Variants in ZNF350 observed in about 807,000 individuals in gnomAD.
The protein encoded by ZNF350 is KRAB zinc finger protein ZFQR.
In ZNF350, 5 loss-of-function variants were observed where a neutral mutation model predicts 13.1. The ratio of observed to expected loss-of-function variants is 0.38; its 90% CI spans 0.20 to 0.80. ZNF350 has a LOEUF of 0.80. ZNF350 is among the 30% of genes least tolerant of loss of function. The pLI is 0.43. For missense variants in ZNF350, 534 were observed against 644.2 expected (o/e 0.83, Z 1.85); for synonymous variants, 199 against 224.2 (o/e 0.89, Z 1.00).
At chr19:51,971,631 C>G (rs1015804564) in intron 2 of ZNF350, among the ~76,000 whole-genome samples, 3 of 152,344 alleles carry the variant, frequency 2.0e-5, no homozygotes, top group East Asian at 3.9e-4. Flanking sequence ...CAAGCCTCCT[C>G]TGGACTGAGC....
chr19:51,969,242 G>GTTT, intron 2 of ZNF350, 111 bp from the exon 3 acceptor site: 1 of 1,166,792 alleles, frequency 8.6e-7, no homozygotes, highest in Non-Finnish European at 1.2e-6. Context: ...ATACCAAATA[G>GTTT]TTTTTTTTTT....
At chr19:51,966,272 GGTTT>G in intron 4 of ZNF350, 58 bp from the exon 5 acceptor site, 2 of 1,464,994 alleles carry the variant, frequency 1.4e-6, no homozygotes, top group South Asian at 1.5e-5. Context: ...AGTTTGTTGT[GGTTT>G]TTTTGTTTTT....
rs1031171670 is a variant in ZNF350 at position 51,974,440 on chromosome 19, G to A, written c.-80C>T. On this transcript the variant is annotated 5_prime_UTR_variant, in exon 2 of 5. Transcript: ENST00000243644. ...TCTGGCCTTCTCTTCAGAAGTCTCA[G>A]TTTTCAATCAAGTGTGCCCCAAGAA... 5.2e-6 allele frequency: 8 copies of A among 1,542,862 alleles called. No individual in the cohort carries two copies. In the African/African-American group the frequency reaches 5.5e-5, roughly 11 times the overall value.
intron 1 of ZNF350, chr19:51,981,254 T>TCCCC (rs1236345495): frequency 5.9e-5 from 4 of 67,432 alleles, no homozygotes; most frequent in South Asian, 3.9e-4. Context: ...GACCCCTTCT[T>TCCCC]CCACCCCCCC....
Position 51,977,207 on chromosome 19 carries a change from A to C in ZNF350, c.-171-2676T>G, listed in dbSNP as rs114697184. 7.3e-3 allele frequency among the ~76,000 whole-genome samples: 1,109 copies of C among 152,312 alleles called. 13 individuals are homozygous for C. The highest frequency in any genetic ancestry group is 0.024 in the African/African-American group (1,016 of 41,570). Reference sequence around the variant, plus strand: ...AGGCCTGATCCAAAAAATCCACAGCAGGTTATTCATGAACACACCCCACTA... The same window carrying C: ...AGGCCTGATCCAAAAAATCCACAGCCGGTTATTCATGAACACACCCCACTA... On this transcript the variant is annotated intron_variant, in intron 1 of 4. Coordinates refer to ENST00000243644, the MANE Select transcript of ZNF350 (RefSeq NM_021632.4).
At chr19:51,970,721 T>A (rs1022485428) in intron 2 of ZNF350, among the ~76,000 whole-genome samples, 1 of 152,174 alleles carries the variant, frequency 6.6e-6, no homozygotes, top group Non-Finnish European at 1.5e-5. Flanking sequence ...ACTGAAAATT[T>A]TTCAGAACTG....
At chr19:51,972,293 TA>T (rs748068937) in intron 2 of ZNF350, among the ~76,000 whole-genome samples, 2,383 of 106,100 alleles carry the variant, frequency 0.022, 18 homozygotes, top group Middle Eastern at 0.035. Flanking sequence ...CCATCTCAAT[TA>T]AAAAAAAAAA....
intron 2 of ZNF350, chr19:51,973,039 T>A (rs1482926444): frequency 6.6e-6 from 1 of 150,394 alleles, no homozygotes; most frequent in African/African-American, 2.5e-5. Context: ...TTCCGTCTCC[T>A]GGGTTCACGC....
chr19:51,968,944 T>C (rs2085654651), intron 3 of ZNF350, 61 bp downstream of exon 3: 2 of 1,613,600 alleles, frequency 1.2e-6, no homozygotes, highest in East Asian at 2.2e-5. Context: ...GAGGTAGGCA[T>C]CTGAGAAAGG....
At chr19:51,985,876 G>C (rs948020520) in intron 1 of ZNF350, among the ~76,000 whole-genome samples, 2 of 152,074 alleles carry the variant, frequency 1.3e-5, no homozygotes, top group South Asian at 2.1e-4. Context: ...GCGTGGTGGC[G>C]TGGGCCTGTA....
At chr19:51,986,287 G>A (rs1469363344) in intron 1 of ZNF350, among the ~76,000 whole-genome samples, 1 of 152,066 alleles carries the variant, frequency 6.6e-6, no homozygotes, top group African/African-American at 2.4e-5. Flanking sequence ...CCAGGACCCA[G>A]GGCTCCAAAG....
In ZNF350 at chr19:51,965,225, C is replaced by G; in HGVS notation, c.1228G>C (p.Ala410Pro). The change falls in exon 5 of 5, where the codon GCG becomes CCG. Residue 410 changes from alanine to proline, a missense_variant. Ala to Pro is a conservative substitution (Grantham distance 27, BLOSUM62 -1). Coordinates refer to ENST00000243644, the MANE Select transcript of ZNF350 (RefSeq NM_021632.4). ...RPYGCNECGK[A>P]FAYMSCLVKH... ...ACCAGACACGACATATACGCAAACGCTTTCCCACACTCGTTACAGCCATAG... is the reference window on the plus strand; with the variant it reads ...ACCAGACACGACATATACGCAAACGGTTTCCCACACTCGTTACAGCCATAG... 1.2e-6 allele frequency: 2 copies of G among 1,614,228 alleles called. No homozygotes were observed. The highest frequency in any genetic ancestry group is 8.5e-7 in the Non-Finnish European group (1 of 1,180,044).
Position 51,964,835 on chromosome 19 carries a change from A to G in ZNF350, c.*19T>C, listed in dbSNP as rs2085516881. On this transcript the variant is annotated 3_prime_UTR_variant, in exon 5 of 5. Transcript: ENST00000243644. The stretch of plus-strand genomic sequence containing the variant: ...AAATTTTTGCTCAACCCTTTTCCAC[A>G]TAGATCTGAGTTTTCTTCCTATGGG... 3.1e-6 allele frequency: 5 copies of G among 1,590,188 alleles called. No homozygotes were observed. Among genetic ancestry groups the G allele is most frequent in the East Asian group, 4.5e-5 (2 of 44,546 alleles).
intron 3 of ZNF350, 150 bp downstream of exon 3, chr19:51,968,855 G>A (rs530597844): frequency 1.3e-6 from 2 of 1,521,956 alleles, no homozygotes; most frequent in African/African-American, 1.4e-5. Flanking sequence ...CTTACAAGAG[G>A]GTAGATTACA....
intron 1 of ZNF350, among the ~76,000 whole-genome samples, chr19:51,982,509 T>G (rs1416567306): frequency 6.6e-6 from 1 of 152,200 alleles, no homozygotes; most frequent in Non-Finnish European, 1.5e-5. Flanking sequence ...ATTTTTAAAA[T>G]TAGATTTACT....
At chr19:51,974,193 G>A (rs2085823158) in intron 2 of ZNF350, 153 bp downstream of exon 2, 1 of 709,132 alleles carries the variant, frequency 1.4e-6, no homozygotes, top group African/African-American at 1.8e-5. Context: ...CTACTATTTT[G>A]CATGATATTG....
chr19:51,980,646 T>G (rs925126032), intron 1 of ZNF350, among the ~76,000 whole-genome samples: 8 of 152,230 alleles, frequency 5.3e-5, no homozygotes, highest in African/African-American at 1.7e-4. Context: ...TTTGCGTAAC[T>G]AACTCAGAAT....
intron 4 of ZNF350, among the ~76,000 whole-genome samples, chr19:51,967,967 ACT>A (rs1322201163): frequency 6.6e-6 from 1 of 152,140 alleles, no homozygotes; most frequent in African/African-American, 2.4e-5. Context: ...TCAGTTTGGG[ACT>A]CTCCTCCAGG....
At chr19:51,969,770 A>G (rs1419907123) in intron 2 of ZNF350, among the ~76,000 whole-genome samples, 3 of 152,232 alleles carry the variant, frequency 2.0e-5, no homozygotes, top group Non-Finnish European at 4.4e-5. Context: ...TAGAGACTAC[A>G]CTGAGTTATG....
Sources: gnomAD v4.1 joint callset for allele counts (sites outside exome capture counted in the v4.1 genomes callset) on GRCh38, gnomAD v4.1.1 for gene constraint, MANE v1.5 for transcripts, NCBI Gene and HGNC (gene_info 2026-07-23, HGNC 2026-07-21) for gene names.